The following ATP13A5 variants were observed in gnomAD, a reference collection of about 807,000 sequenced individuals.
The protein encoded by ATP13A5 is probable cation-transporting ATPase 13A5.
In ATP13A5, 149 loss-of-function variants were observed where a neutral mutation model predicts 150.2. That is an observed-to-expected ratio of 0.99 (90% CI 0.87 to 1.14). The LOEUF (loss-of-function observed/expected upper bound fraction) is 1.14, where lower values mean the gene tolerates loss of function less well. Ranked by LOEUF, ATP13A5 falls within the 50% of genes most tolerant of loss-of-function variation. ATP13A5 has a pLI of 0.00. For missense variants in ATP13A5, 1,383 were observed against 1,449.3 expected, an observed-to-expected ratio of 0.95 and a Z score of 0.74; for synonymous variants, 497 against 522.2, an observed-to-expected ratio of 0.95 and a Z score of 0.66.
intron 12 of ATP13A5, among the ~76,000 whole-genome samples, chr3:193,330,258 A>T (rs1711579117): frequency 6.6e-6 from 1 of 152,150 alleles, no homozygotes; most frequent in Non-Finnish European, 1.5e-5. Flanking sequence ...TCACAGCATG[A>T]TCGCCATCTA....
chr3:193,296,644 C>T (rs556599138), intron 25 of ATP13A5, among the ~76,000 whole-genome samples: 9 of 152,004 alleles, frequency 5.9e-5, no homozygotes, highest in Non-Finnish European at 5.9e-5. Context: ...GTTCTTTTTG[C>T]TTATGATTGT....
chr3:193,300,011 C>T lies in ATP13A5; in HGVS notation c.2776-808G>A, dbSNP rs7635032. On this transcript the variant is annotated intron_variant, in intron 24 of 29. Coordinates refer to ENST00000342358, the MANE Select transcript of ATP13A5 (RefSeq NM_198505.4). ...TCTTCTGCGACACTCTTATTTAGGT[C>T]TAGACCACTAGAATGAATGGCTGCA... Among the ~76,000 whole-genome samples, 1,208 of 152,242 alleles carry T rather than the reference C, an allele frequency of 7.9e-3. 16 individuals carry two copies. Among genetic ancestry groups the T allele is most frequent in the African/African-American group, 0.028 (1,157 of 41,556 alleles).
At chr3:193,297,637 T>C (rs955562029) in intron 25 of ATP13A5, among the ~76,000 whole-genome samples, 1 of 152,032 alleles carries the variant, frequency 6.6e-6, no homozygotes, top group Non-Finnish European at 1.5e-5. Flanking sequence ...AGGTTTTTTT[T>C]CTCCTAGTGG....
At chr3:193,284,518 C>A (rs1362754295) in intron 27 of ATP13A5, among the ~76,000 whole-genome samples, 4 of 152,152 alleles carry the variant, frequency 2.6e-5, no homozygotes, top group African/African-American at 9.7e-5. Flanking sequence ...ATTAAGGATA[C>A]TCCCTCCCAT....
intron 26 of ATP13A5, among the ~76,000 whole-genome samples, chr3:193,286,080 G>T (rs1013958616): frequency 6.6e-6 from 1 of 152,010 alleles, no homozygotes; most frequent in Non-Finnish European, 1.5e-5. Context: ...AAAAATCTTT[G>T]TCCAAGATAT....
At chr3:193,370,027 A>G (rs551840268) in intron 1 of ATP13A5, among the ~76,000 whole-genome samples, 2 of 152,336 alleles carry the variant, frequency 1.3e-5, no homozygotes, top group East Asian at 1.9e-4. Context: ...CCAGGAACCC[A>G]GATCTGCCAC....
chr3:193,344,154 C>G, intron 8 of ATP13A5, 99 bp from the exon 9 acceptor site: 1 of 1,433,124 alleles, frequency 7.0e-7, no homozygotes, highest in Non-Finnish European at 9.4e-7. Flanking sequence ...TGGCCAAGAG[C>G]TACCCTACCT....
rs903735457 is a variant in ATP13A5, at chr3:193,357,005, G to A, written c.537-2809C>T. 1.8e-4 allele frequency among the ~76,000 whole-genome samples: 28 copies of A among 151,890 alleles called. 1 individual carries two copies. The highest frequency in any genetic ancestry group is 5.3e-4 in the African/African-American group (22 of 41,340). ...TAATTTTTGTATTTTTAGTAGACAC[G>A]GGGTTTCACCATGTTGGCCAGGCTG... On this transcript the variant is annotated intron_variant, in intron 5 of 29. Transcript: ENST00000342358.
chr3:193,338,557 C>T (rs1711985621), intron 9 of ATP13A5, among the ~76,000 whole-genome samples: 1 of 152,166 alleles, frequency 6.6e-6, no homozygotes, highest in South Asian at 2.1e-4. Context: ...ATATGTTGAA[C>T]CAGCCTTGCA....
chr3:193,302,076 G>A (rs535906066), intron 23 of ATP13A5, among the ~76,000 whole-genome samples: 2 of 152,288 alleles, frequency 1.3e-5, no homozygotes, highest in South Asian at 4.1e-4. Flanking sequence ...CAGCAAACCA[G>A]CTCTCCTTCA....
Position 193,289,881 on chromosome 3 carries a change from T to C in ATP13A5, c.3023+4A>G. On this transcript the variant is annotated splice_donor_region_variant and intron_variant, in intron 26 of 29. Coordinates refer to ENST00000342358, the MANE Select transcript of ATP13A5 (RefSeq NM_198505.4). Reference sequence around the variant, plus strand: ...CGAAAGCAGCACTAAGAAAATGAACTTACCTGTATTGGTAGACCTCACAAT... The same window carrying C: ...CGAAAGCAGCACTAAGAAAATGAACCTACCTGTATTGGTAGACCTCACAAT... 1 of 1,580,616 alleles carries C rather than the reference T, an allele frequency of 6.3e-7. No individual in the cohort carries two copies. Among genetic ancestry groups the C allele is most frequent in the Non-Finnish European group, 8.6e-7 (1 of 1,165,510 alleles).
chr3:193,372,312 A>AACAAGG (rs57458521), intron 1 of ATP13A5: 1 of 73,166 alleles, frequency 1.4e-5, no homozygotes, highest in Admixed American at 2.2e-4. Flanking sequence ...AAAAAAAAAA[A>AACAAGG]GGGGGAAGTT....
At chr3:193,354,014 C>T (rs1712678211) in intron 6 of ATP13A5, 113 bp downstream of exon 6, 2 of 786,946 alleles carry the variant, frequency 2.5e-6, no homozygotes, top group South Asian at 4.5e-5. Flanking sequence ...AAAAAGAAGT[C>T]GCATGAAACA....
At chr3:193,368,392 TTGTGTG>T (rs1286543236) in intron 1 of ATP13A5, among the ~76,000 whole-genome samples, 32 of 147,354 alleles carry the variant, frequency 2.2e-4, no homozygotes, top group African/African-American at 7.0e-4. Context: ...CTCTTCAGAC[TTGTGTG>T]TGTGTGTGTG....
intron 25 of ATP13A5, among the ~76,000 whole-genome samples, chr3:193,297,412 G>A (rs2108836003): frequency 6.6e-6 from 1 of 152,112 alleles, no homozygotes; most frequent in South Asian, 2.1e-4. Context: ...CTAGCCTGTG[G>A]GATGAGTAAG....
rs144004391 is a variant in ATP13A5 at position 193,319,370 on chromosome 3, C to A, written c.1916-262G>T. Among the ~76,000 whole-genome samples the A allele has an allele frequency of 7.2e-5, 11 of 152,252 alleles. No homozygotes were observed. The East Asian group carries it at 2.1e-3, about 29-fold the overall frequency. On this transcript the variant is annotated intron_variant, in intron 16 of 29. Coordinates refer to ENST00000342358, the MANE Select transcript of ATP13A5 (RefSeq NM_198505.4). ...TCCCTCCAAAATTCATATGTTGAAG[C>A]CTAATCTCTAATGCAATAGTATTTG... is the stretch of plus-strand genomic sequence containing the variant.
At chr3:193,294,013 G>A (rs966550098) in intron 25 of ATP13A5, among the ~76,000 whole-genome samples, 5 of 152,054 alleles carry the variant, frequency 3.3e-5, no homozygotes, top group Admixed American at 6.6e-5. Flanking sequence ...TCTAACCCAC[G>A]TCAGGTCGAT....
rs1397648724 is a variant in ATP13A5, at chr3:193,325,097, A to C, written c.1524-83T>G. On this transcript the variant is annotated intron_variant, in intron 13 of 29. Coordinates refer to ENST00000342358, the MANE Select transcript of ATP13A5 (RefSeq NM_198505.4). ...TTAAATCTTACTAAAGTGGAGCTCC[A>C]AACACCTAACGTTCATGCTCAGAAC... 2.1e-6 allele frequency: 3 copies of C among 1,396,688 alleles called. No individual in the cohort carries two copies. In the African/African-American group the frequency reaches 4.3e-5, roughly 20 times the overall value. 86.5% of individuals were successfully genotyped at this position (1,396,688 alleles called of 1,614,324 possible).
chr3:193,355,709 C>G (rs4686633), intron 5 of ATP13A5, among the ~76,000 whole-genome samples: 56,958 of 152,062 alleles, frequency 0.37, 11,606 homozygotes, highest in East Asian at 0.56. Flanking sequence ...TCTTAAGTCC[C>G]TAAACCTCCC....
Sources: gnomAD v4.1 joint callset for allele counts (sites outside exome capture counted in the v4.1 genomes callset) on GRCh38, gnomAD v4.1.1 for gene constraint, MANE v1.5 for transcripts, NCBI Gene and HGNC (gene_info 2026-07-23, HGNC 2026-07-21) for gene names.